HHIPL1: variants seen among roughly 807,000 people sequenced by gnomAD.
HHIPL1 encodes the protein HHIP-like protein 1.
HHIPL1 carries 43 observed loss-of-function variants against 61.8 expected under a neutral mutation model. That is an observed-to-expected ratio of 0.70 (90% CI 0.55 to 0.90). HHIPL1 has a LOEUF of 0.90. Among genes scored for constraint, HHIPL1 ranks in the 40% least tolerant of loss-of-function variants. HHIPL1 has a pLI of 0.00. For missense variants in HHIPL1, 1,056 were observed against 1,157.7 expected (o/e 0.91, Z 1.28); for synonymous variants, 482 against 515.8 (o/e 0.93, Z 0.89).
intron 1 of HHIPL1, among the ~76,000 whole-genome samples, chr14:99,649,317 C>T (rs757892050): frequency 2.4e-4 from 37 of 152,250 alleles, no homozygotes; most frequent in Admixed American, 5.2e-4. Flanking sequence ...CCCCTCACTG[C>T]GTCTCTGGAA....
chr14:99,619,244 C>G, the HHIPL1 span, among the ~76,000 whole-genome samples: 1 of 151,900 alleles, frequency 6.6e-6, no homozygotes, highest in Non-Finnish European at 1.5e-5. Context: ...AGGCAGATCA[C>G]GAGGTCAGGA....
chr14:99,657,889 A>G (rs12896317), intron 3 of HHIPL1, among the ~76,000 whole-genome samples: 124,281 of 151,964 alleles, frequency 0.82, 51,027 homozygotes, highest in African/African-American at 0.87. Flanking sequence ...ATCCACACAC[A>G]TCCACATACA....
At chr14:99,661,698 C>T (rs2056156458) in intron 5 of HHIPL1, among the ~76,000 whole-genome samples, 1 of 152,214 alleles carries the variant, frequency 6.6e-6, no homozygotes, top group South Asian at 2.1e-4. Flanking sequence ...GAACTGGACT[C>T]AAGCAATCCT....
chr14:99,641,786 C>T (rs1369168499), upstream of HHIPL1, among the ~76,000 whole-genome samples: 1 of 152,126 alleles, frequency 6.6e-6, no homozygotes, highest in East Asian at 1.9e-4. Context: ...TTTTCCCCCT[C>T]TGGCTTCTCT....
At chr14:99,637,209 A>AAAGG in the HHIPL1 span, among the ~76,000 whole-genome samples, 3 of 77,464 alleles carry the variant, frequency 3.9e-5, no homozygotes, top group African/African-American at 1.0e-4. Context: ...AGGAAGAAAG[A>AAAGG]AAGAAAGAAA....
rs1344479457 is a variant in HHIPL1 at position 99,660,600 on chromosome 14, GCAGGCCT to G, written c.1502+198_1502+204del. 1.8e-4 allele frequency among the ~76,000 whole-genome samples: 28 copies of G among 152,212 alleles called. No homozygotes were observed. Among genetic ancestry groups the G allele is most frequent in the Non-Finnish European group, 2.9e-4 (20 of 68,034 alleles). Reference sequence around the variant, plus strand: ...CTGAGATGTATGGTGAGCCTTTGCTGCAGGCCTCAGTACCTCTATGATAGACACACAA... The same window carrying G: ...CTGAGATGTATGGTGAGCCTTTGCTGCAGTACCTCTATGATAGACACACAA... On this transcript the variant is annotated intron_variant, in intron 5 of 8. Transcript: ENST00000330710. This position sits in a 1 kb window ranked among gnomAD's most constrained non-coding sequence, Gnocchi z 4.9.
the HHIPL1 span, among the ~76,000 whole-genome samples, chr14:99,630,344 C>G: frequency 1.3e-5 from 2 of 152,204 alleles, no homozygotes; most frequent in Non-Finnish European, 2.9e-5. Flanking sequence ...CATCGCGTTT[C>G]ATCATCTGAC....
At chr14:99,655,322 A>G (rs2056010379) in intron 2 of HHIPL1, among the ~76,000 whole-genome samples, 1 of 152,122 alleles carries the variant, frequency 6.6e-6, no homozygotes, top group Non-Finnish European at 1.5e-5. Context: ...TCTTATTTGT[A>G]TGGATAAGGG....
chr14:99,610,392 C>T, the HHIPL1 span, among the ~76,000 whole-genome samples: 6 of 152,234 alleles, frequency 3.9e-5, no homozygotes, highest in East Asian at 1.2e-3. Flanking sequence ...CTTCCCCGAC[C>T]CAAGGGTATC....
At position 99,655,836 on chromosome 14, in the gene HHIPL1, A is replaced by G. The variant is rs190189398; in HGVS notation, c.903-1164A>G. On this transcript the variant is annotated intron_variant, in intron 2 of 8. Transcript: ENST00000330710. ...TCTTGGGTTGGAGGAACAAAGGGAA[A>G]AAGTCCTTTGTGCTGTGGACTTTGC... is the stretch of plus-strand genomic sequence containing the variant. Among the ~76,000 whole-genome samples, 229 of 152,320 alleles carry G rather than the reference A, an allele frequency of 1.5e-3. 4 individuals carry two copies. The highest frequency in any genetic ancestry group is 6.8e-3 in the Middle Eastern group (2 of 294).
chr14:99,675,784 G>GC lies in HHIPL1; in HGVS notation c.*158_*159insC. On this transcript the variant is annotated 3_prime_UTR_variant, in exon 9 of 9. Transcript: ENST00000330710. This position sits in a 1 kb window ranked among gnomAD's most constrained non-coding sequence, Gnocchi z 5.4. ...ATGTGTGAGGCGCTGCAGTGCATGT[G>GC]TGTCCTCTGCAGACCCAAGGCAGGA... is the stretch of plus-strand genomic sequence containing the variant. 1 of 701,490 alleles carries GC rather than the reference G, an allele frequency of 1.4e-6. No individual in the cohort carries two copies. Among genetic ancestry groups the GC allele is most frequent in the South Asian group, 2.3e-5 (1 of 43,234 alleles). The allele number at this position is 701,490 out of a possible 1,614,324, so 43.5% of individuals were successfully genotyped here.
In HHIPL1 at chr14:99,660,427, G is replaced by T. The variant is rs1331668719; in HGVS notation, c.1502+21G>T. On this transcript the variant is annotated intron_variant, in intron 5 of 8. Coordinates refer to ENST00000330710, the MANE Select transcript of HHIPL1 (RefSeq NM_001127258.3). This position sits in a 1 kb window ranked among gnomAD's most constrained non-coding sequence, Gnocchi z 4.9. ...AGCGGGTAAGTGACCTAGTGCCCTC[G>T]CGCCCCTGGCTGCTGCCACTGGCTC... 7.5e-6 allele frequency: 12 copies of T among 1,602,016 alleles called. No individual in the cohort carries two copies. Among genetic ancestry groups the T allele is most frequent in the Non-Finnish European group, 9.4e-6 (11 of 1,171,640 alleles).
chr14:99,633,791 G>T, the HHIPL1 span, among the ~76,000 whole-genome samples: 4 of 152,312 alleles, frequency 2.6e-5, no homozygotes, highest in Non-Finnish European at 5.9e-5. Flanking sequence ...ATGGCAGCCT[G>T]TTTTCCAGCT....
At chr14:99,642,387 T>C (rs1165023533), upstream of HHIPL1, among the ~76,000 whole-genome samples, 1 of 152,266 alleles carries the variant, frequency 6.6e-6, no homozygotes. Context: ...CTTCTGTTTT[T>C]CTCTTGGTGT....
At chr14:99,670,111 T>C (rs77467832) in intron 7 of HHIPL1, among the ~76,000 whole-genome samples, 2 of 150,616 alleles carry the variant, frequency 1.3e-5, no homozygotes, top group Non-Finnish European at 3.0e-5. Context: ...CTCCAGTCTT[T>C]TACTTTTTTT....
chr14:99,637,168 AAAAG>A, the HHIPL1 span, among the ~76,000 whole-genome samples: 164 of 110,654 alleles, frequency 1.5e-3, 6 homozygotes, highest in Admixed American at 2.6e-3. Flanking sequence ...GAAAGAAAGA[AAAAG>A]AAAGAAAGAA....
In HHIPL1 at chr14:99,659,418, C is replaced by T. The variant is rs1187098779; in HGVS notation, c.1047-10C>T. 1.4e-6 allele frequency: 2 copies of T among 1,427,180 alleles called. No homozygotes were observed. Among genetic ancestry groups the T allele is most frequent in the South Asian group, 1.5e-5 (1 of 68,430 alleles). 88.4% of individuals were successfully genotyped at this position (1,427,180 alleles called of 1,614,324 possible). A position where few individuals can be genotyped will look rare whatever the true frequency, so the allele number is the denominator to read the frequency against. On this transcript the variant is annotated splice_polypyrimidine_tract_variant and intron_variant, in intron 3 of 8. Coordinates refer to ENST00000330710, the MANE Select transcript of HHIPL1 (RefSeq NM_001127258.3). Reference sequence around the variant, plus strand: ...ACCCCGAGCCGCGCCCTCTCCCACCCCGCCCGCAGGTCGGCGCTGCTGGGC... The same window carrying T: ...ACCCCGAGCCGCGCCCTCTCCCACCTCGCCCGCAGGTCGGCGCTGCTGGGC...
intron 1 of HHIPL1, among the ~76,000 whole-genome samples, chr14:99,651,204 G>T (rs556137312): frequency 6.6e-6 from 1 of 152,312 alleles, no homozygotes; most frequent in South Asian, 2.1e-4. Flanking sequence ...AGCTGAGATG[G>T]TGCCACTGTA....
At chr14:99,644,457 T>C (rs1038295641), upstream of HHIPL1, among the ~76,000 whole-genome samples, 2 of 104,834 alleles carry the variant, frequency 1.9e-5, no homozygotes, top group African/African-American at 7.5e-5. Context: ...TGCGTCTGTA[T>C]GTGTGTGGGG....
Sources: gnomAD v4.1 joint callset for allele counts (sites outside exome capture counted in the v4.1 genomes callset) on GRCh38, gnomAD v4.1.1 for gene constraint, Gnocchi (gnomAD v3.1) non-coding constraint, MANE v1.5 for transcripts, NCBI Gene and HGNC (gene_info 2026-07-23, HGNC 2026-07-21) for gene names.